The following OR7A17 variants were observed in gnomAD, a reference collection of about 807,000 sequenced individuals.
OR7A17 encodes olfactory receptor family 7 subfamily A member 17, also known as olfactory receptor 7A17.
For synonymous variants in OR7A17, 159 were observed against 142.1 expected, an observed-to-expected ratio of 1.12 and a Z score of -0.85; for missense variants, 366 against 365.5, an observed-to-expected ratio of 1.00 and a Z score of -0.01.
chr19:14,884,025 T>C (rs1461841485), intron 1 of OR7A17, among the ~76,000 whole-genome samples: 2 of 152,126 alleles, frequency 1.3e-5, no homozygotes, highest in Non-Finnish European at 2.9e-5. Flanking sequence ...GATTGTTGAA[T>C]AAAAGCAGAA....
At chr19:14,883,885 C>T (rs1319146432) in intron 1 of OR7A17, among the ~76,000 whole-genome samples, 2 of 152,078 alleles carry the variant, frequency 1.3e-5, no homozygotes, top group East Asian at 3.9e-4. Context: ...ATATAATACA[C>T]AATGTTTCTA....
rs1285080717 is a variant in OR7A17 at position 14,881,357 on chromosome 19, T to C, written c.-2A>G. On this transcript the variant is annotated 5_prime_UTR_variant, in exon 3 of 3. Coordinates refer to ENST00000641113, the MANE Select transcript of OR7A17 (RefSeq NM_030901.2). ...CCCTGTGTCATTCTCTGGTTCCATC[T>C]TTTTTTTTCTATTTATTTATTTATT... The C allele has an allele frequency of 2.3e-6, 3 of 1,326,444 alleles. No homozygotes were observed. The highest frequency in any genetic ancestry group is 2.9e-6 in the Non-Finnish European group (3 of 1,024,824). 82.2% of individuals were successfully genotyped at this position (1,326,444 alleles called of 1,614,324 possible). A position where few individuals can be genotyped will look rare whatever the true frequency, so the allele number is the denominator to read the frequency against.
intron 1 of OR7A17, 113 bp downstream of exon 1, chr19:14,885,828 A>G (rs1224177229): frequency 6.6e-6 from 1 of 152,240 alleles, no homozygotes; most frequent in Admixed American, 6.5e-5. Flanking sequence ...ATTTCTAAGC[A>G]AAAGGAACAA....
Position 14,880,972 on chromosome 19 carries a change from A to T in OR7A17, c.384T>A (p.His128Gln). The part of the protein sequence containing the change: ...MAYDRFVAIC[H>Q]PLHYTVIMNP... ...TCATGATGACTGTGTAGTGCAGAGG[A>T]TGACAGATGGCCACAAACCGATCAT... Residue 128 changes from histidine to glutamine, a missense_variant, in exon 3 of 3, where the codon CAT becomes CAA. Physicochemically the swap from His to Gln is conservative, Grantham distance 24. Transcript: ENST00000641113. The T allele has an allele frequency of 1.2e-6, 2 of 1,614,162 alleles. No homozygotes were observed. The highest frequency in any genetic ancestry group is 1.1e-5 in the South Asian group (1 of 91,082).
At chr19:14,883,013 A>G (rs1354040899) in intron 1 of OR7A17, among the ~76,000 whole-genome samples, 3 of 152,168 alleles carry the variant, frequency 2.0e-5, no homozygotes, top group Non-Finnish European at 4.4e-5. Context: ...TCTCTTCTTT[A>G]ATTATTCATG....
chr19:14,882,785 T>A (rs935541117), intron 1 of OR7A17, among the ~76,000 whole-genome samples: 3 of 152,200 alleles, frequency 2.0e-5, no homozygotes, highest in Non-Finnish European at 2.9e-5. Context: ...GCAACCTGCT[T>A]TTATGCTAAA....
At position 14,880,121 on chromosome 19, in the gene OR7A17, G is replaced by A. The variant is rs532881532; in HGVS notation, c.*305C>T. On this transcript the variant is annotated 3_prime_UTR_variant, in exon 3 of 3. Transcript: ENST00000641113. Reference sequence around the variant, plus strand: ...GTGCAATTGATTCTGCAGGACTAATGCAACCCACAAGTGTAGGAGAAAAAT... The same window carrying A: ...GTGCAATTGATTCTGCAGGACTAATACAACCCACAAGTGTAGGAGAAAAAT... The A allele has an allele frequency of 3.0e-5, 6 of 196,898 alleles. No homozygotes were observed. The highest frequency in any genetic ancestry group is 6.0e-5 in the Non-Finnish European group (6 of 99,498). The allele number at this position is 196,898 out of a possible 1,614,324, so 12.2% of individuals were successfully genotyped here.
intron 1 of OR7A17, among the ~76,000 whole-genome samples, chr19:14,885,161 G>A (rs2045130262): frequency 6.6e-6 from 1 of 152,114 alleles, no homozygotes; most frequent in Non-Finnish European, 1.5e-5. Context: ...CATACCCACA[G>A]CCAATATCAT....
At chr19:14,882,199 G>A (rs1464986117) in intron 1 of OR7A17, among the ~76,000 whole-genome samples, 3 of 152,048 alleles carry the variant, frequency 2.0e-5, no homozygotes, top group East Asian at 3.9e-4. Flanking sequence ...GATGTTCAGG[G>A]TACTGTATAG....
At position 14,879,626 on chromosome 19, in the gene OR7A17, T is replaced by A. The variant is rs888257928; in HGVS notation, c.*800A>T. ...TGAGCAGGCACGGTGGACACTGAAC[T>A]GAATAGAGGACAGGACCCTAATGAG... On this transcript the variant is annotated 3_prime_UTR_variant, in exon 3 of 3. Coordinates refer to ENST00000641113, the MANE Select transcript of OR7A17 (RefSeq NM_030901.2). 10 of 152,034 alleles carry A rather than the reference T, an allele frequency of 6.6e-5. No homozygotes were observed. Among genetic ancestry groups the A allele is most frequent in the African/African-American group, 2.4e-4 (10 of 41,352 alleles). 9.4% of individuals were successfully genotyped at this position (152,034 alleles called of 1,614,324 possible).
At chr19:14,882,753 A>G (rs2045118395) in intron 1 of OR7A17, among the ~76,000 whole-genome samples, 1 of 152,200 alleles carries the variant, frequency 6.6e-6, no homozygotes, top group Non-Finnish European at 1.5e-5. Flanking sequence ...TTTGGAATAC[A>G]GAGCCCAAAT....
chr19:14,881,245 G>C lies in OR7A17; in HGVS notation c.111C>G (p.Val37=). The change falls in exon 3 of 3, where the codon GTC becomes GTG. Residue 37 remains valine (V), a synonymous_variant. Coordinates refer to ENST00000641113, the MANE Select transcript of OR7A17 (RefSeq NM_030901.2). ...TGATGAGCAGATTCCCGAGCACAGT[G>C]ACCAGGTACATGGACAGAAACAGCC... ...LFGLFLSMYL[V]TVLGNLLIIL... is the part of the protein sequence containing the mutation. The C allele has an allele frequency of 6.2e-7, 1 of 1,614,036 alleles. No homozygotes were observed. The highest frequency in any genetic ancestry group is 8.5e-7 in the Non-Finnish European group (1 of 1,180,002).
At position 14,881,082 on chromosome 19, in the gene OR7A17, T is replaced by C. The variant is rs771526197; in HGVS notation, c.274A>G (p.Ile92Val). 1.2e-6 allele frequency: 2 copies of C among 1,614,202 alleles called. No homozygotes were observed. The highest frequency in any genetic ancestry group is 1.7e-6 in the Non-Finnish European group (2 of 1,180,034). ...TGGGTGATGCAGCCTGCATAGGTGATGACTCTGCTCTGTGTCTGGATGTTA... is the reference window on the plus strand; with the variant it reads ...TGGGTGATGCAGCCTGCATAGGTGACGACTCTGCTCTGTGTCTGGATGTTA... ...LINIQTQSRV[I>V]TYAGCITQMC... The change falls in exon 3 of 3, where the codon ATC (isoleucine) becomes GTC (valine). Residue 92 changes from isoleucine (I) to valine (V), a missense_variant. Ile to Val is a conservative substitution (Grantham distance 29). Coordinates refer to ENST00000641113, the MANE Select transcript of OR7A17 (RefSeq NM_030901.2).
At chr19:14,884,165 A>C (rs984325782) in intron 1 of OR7A17, among the ~76,000 whole-genome samples, 1 of 152,254 alleles carries the variant, frequency 6.6e-6, no homozygotes, top group African/African-American at 2.4e-5. Flanking sequence ...AGATAACTAC[A>C]TATAAGATCT....
chr19:14,880,009 G>A lies in OR7A17; in HGVS notation c.*417C>T, dbSNP rs10421024. On this transcript the variant is annotated 3_prime_UTR_variant, in exon 3 of 3. Transcript: ENST00000641113. ...CAGGAAGAACACTTAAGGTGGTGGT[G>A]GAGAAAGGAATAAGCTCAAAGTGAA... 0.11 allele frequency: 16,265 copies of A among 153,220 alleles called. 1,445 individuals are homozygous for A. The highest frequency in any genetic ancestry group is 0.24 in the African/African-American group (9,941 of 41,418). 9.5% of individuals were successfully genotyped at this position (153,220 alleles called of 1,614,324 possible). A position where few individuals can be genotyped will look rare whatever the true frequency, so the allele number is the denominator to read the frequency against.
At chr19:14,882,990 C>G (rs969388852) in intron 1 of OR7A17, among the ~76,000 whole-genome samples, 5 of 152,220 alleles carry the variant, frequency 3.3e-5, no homozygotes, top group Admixed American at 6.5e-5. Context: ...GCATGTGAGA[C>G]AGCCTTCTCA....
chr19:14,882,143 T>G (rs1473995067), intron 1 of OR7A17, among the ~76,000 whole-genome samples: 1 of 151,958 alleles, frequency 6.6e-6, no homozygotes, highest in Non-Finnish European at 1.5e-5. Context: ...TACAGTATCA[T>G]TAAAGAGAAA....
Position 14,878,864 on chromosome 19 carries a change from CAG to C in OR7A17, c.*1560_*1561del, listed in dbSNP as rs1392397408. The C allele has an allele frequency of 6.6e-6, 1 of 151,984 alleles. No homozygotes were observed. Among genetic ancestry groups the C allele is most frequent in the African/African-American group, 2.4e-5 (1 of 41,372 alleles). 9.4% of individuals were successfully genotyped at this position (151,984 alleles called of 1,614,324 possible). ...CTAATTTTTGCATTTTTAGTAGAGA[CAG>C]GGTTTCACCATGTTGGCCAGCCTGG... On this transcript the variant is annotated 3_prime_UTR_variant, in exon 3 of 3. Coordinates refer to ENST00000641113, the MANE Select transcript of OR7A17 (RefSeq NM_030901.2).
rs114845462 is a variant in OR7A17 at position 14,882,647 on chromosome 19, T to C, written c.-294-776A>G. Among the ~76,000 whole-genome samples the C allele has an allele frequency of 6.5e-3, 996 of 152,370 alleles. 9 individuals are homozygous for C. Among genetic ancestry groups the C allele is most frequent in the African/African-American group, 0.023 (954 of 41,590 alleles). ...AGATGCTGTTGCATTTGCATTTTATTAATTTGCCTGCGAAGGCATCTCAGT... is the reference window on the plus strand; with the variant it reads ...AGATGCTGTTGCATTTGCATTTTATCAATTTGCCTGCGAAGGCATCTCAGT... On this transcript the variant is annotated intron_variant, in intron 1 of 2. Coordinates refer to ENST00000641113, the MANE Select transcript of OR7A17 (RefSeq NM_030901.2).
Sources: allele counts gnomAD v4.1 joint callset (sites outside exome capture counted in the v4.1 genomes callset), GRCh38; gene constraint gnomAD v4.1.1; transcripts MANE v1.5; gene names NCBI Gene and HGNC (gene_info 2026-07-23, HGNC 2026-07-21).